TMPRSS15: variants seen among roughly 807,000 people sequenced by gnomAD.
TMPRSS15 encodes the protein transmembrane serine protease 15.
Under a neutral mutation model 125.3 loss-of-function variants are expected in TMPRSS15, and 128 were observed. That is an observed-to-expected ratio of 1.02 (90% CI 0.89 to 1.18). The LOEUF (loss-of-function observed/expected upper bound fraction) is 1.18. Among genes scored for constraint, TMPRSS15 ranks in the 50% most tolerant of loss-of-function variants. The pLI is 0.00. For missense variants in TMPRSS15, 1,283 were observed against 1,212.7 expected (o/e 1.06, Z -0.86); for synonymous variants, 446 against 423.2 (o/e 1.05, Z -0.66).
chr21:18,377,765 AG>A (rs2075857950), intron 5 of TMPRSS15, among the ~76,000 whole-genome samples: 2 of 152,136 alleles, frequency 1.3e-5, no homozygotes, highest in Admixed American at 1.3e-4. Flanking sequence ...GTTTACGTGT[AG>A]AAGAGAAGAT....
chr21:18,436,047 G>A (rs933479171), intron 1 of TMPRSS15, among the ~76,000 whole-genome samples: 148 of 149,808 alleles, frequency 9.9e-4, no homozygotes, highest in African/African-American at 3.2e-3. Context: ...TCTTGCTAGC[G>A]GTCTATCAAT....
chr21:18,327,733 T>TG lies in TMPRSS15; in HGVS notation c.1781-1162_1781-1161insC, dbSNP rs72550496. On this transcript the variant is annotated intron_variant, in intron 15 of 24. Coordinates refer to ENST00000284885, the MANE Select transcript of TMPRSS15 (RefSeq NM_002772.3). ...AGCACAGTTAGATAAAACACTTTTT[T>TG]TGTGTGTGGGAGGGCGATAAAACAC... Among the ~76,000 whole-genome samples, 948 of 151,964 alleles carry TG rather than the reference T, an allele frequency of 6.2e-3. 7 individuals are homozygous for TG. The highest frequency in any genetic ancestry group is 9.9e-3 in the Non-Finnish European group (675 of 67,952).
Position 18,272,448 on chromosome 21 carries a change from G to A in TMPRSS15, c.2905-2324C>T, listed in dbSNP as rs547683046. Among the ~76,000 whole-genome samples the A allele has an allele frequency of 1.1e-3, 165 of 152,236 alleles. 1 individual carries two copies. Among genetic ancestry groups the A allele is most frequent in the African/African-American group, 3.6e-3 (149 of 41,524 alleles). ...ACTTCAAAAATATGCATGGGACCCG[G>A]TGCGGTGGCTCACACCTGTGATCAC... On this transcript the variant is annotated intron_variant, in intron 24 of 24. Coordinates refer to ENST00000284885, the MANE Select transcript of TMPRSS15 (RefSeq NM_002772.3).
chr21:18,364,786 T>C (rs911675086), intron 7 of TMPRSS15, among the ~76,000 whole-genome samples: 2 of 152,088 alleles, frequency 1.3e-5, no homozygotes, highest in African/African-American at 4.8e-5. Context: ...AGAAAGAAAA[T>C]ATTTTATAGA....
chr21:18,461,819 A>C lies in TMPRSS15; in HGVS notation c.10+23980T>G, dbSNP rs2122952805. Among the ~76,000 whole-genome samples, 5 of 152,204 alleles carry C rather than the reference A, an allele frequency of 3.3e-5. No homozygotes were observed. The South Asian group carries it at 1.0e-3, about 32-fold the overall frequency. ...TTTAAAAGTTATCAACGATCTTTGG[A>C]TACTATAGTTGCCCTGAGTTCAACT... On this transcript the variant is annotated intron_variant, in intron 1 of 7. Transcript: ENST00000422787.
intron 18 of TMPRSS15, among the ~76,000 whole-genome samples, chr21:18,303,880 AAAG>A (rs1445049140): frequency 6.6e-6 from 1 of 152,222 alleles, no homozygotes; most frequent in African/African-American, 2.4e-5. Context: ...AATGAAAGAC[AAAG>A]AAGATTCTCC....
upstream of TMPRSS15, among the ~76,000 whole-genome samples, chr21:18,405,376 G>T (rs1180878853): frequency 6.6e-6 from 1 of 152,042 alleles, no homozygotes; most frequent in Non-Finnish European, 1.5e-5. Flanking sequence ...TTTAAAGAAG[G>T]CAATAATTTA....
chr21:18,281,251 A>C (rs550288760), intron 21 of TMPRSS15, 30 bp from the exon 22 acceptor site: 1 of 1,591,348 alleles, frequency 6.3e-7, no homozygotes, highest in East Asian at 2.2e-5. Flanking sequence ...AATATGAGAC[A>C]CTCTCCATCC....
chr21:18,452,449 A>C (rs1208801654), intron 1 of TMPRSS15, among the ~76,000 whole-genome samples: 1 of 152,134 alleles, frequency 6.6e-6, no homozygotes, highest in African/African-American at 2.4e-5. Flanking sequence ...TGACATATTC[A>C]GCCCAACAGC....
intron 1 of TMPRSS15, among the ~76,000 whole-genome samples, chr21:18,479,050 T>C (rs1189607506): frequency 6.6e-6 from 1 of 151,918 alleles, no homozygotes; most frequent in Non-Finnish European, 1.5e-5. Context: ...CATCTGAAAA[T>C]CTGAAATTGG....
upstream of TMPRSS15, among the ~76,000 whole-genome samples, chr21:18,407,466 T>C (rs1297839799): frequency 6.8e-6 from 1 of 146,408 alleles, no homozygotes; most frequent in East Asian, 2.0e-4. Context: ...TTTTTTTTTT[T>C]GAGACAGTCT....
chr21:18,285,653 GT>G (rs1369699748), intron 21 of TMPRSS15, among the ~76,000 whole-genome samples: 1 of 152,214 alleles, frequency 6.6e-6, no homozygotes, highest in Admixed American at 6.5e-5. Flanking sequence ...GAGTACGAAA[GT>G]TTTCAAGAAT....
At chr21:18,408,458 CAG>C (rs2076157975), upstream of TMPRSS15, among the ~76,000 whole-genome samples, 1 of 152,096 alleles carries the variant, frequency 6.6e-6, no homozygotes, top group Non-Finnish European at 1.5e-5. Context: ...CTGGACATTT[CAG>C]AGACTTCTTT....
At chr21:18,368,382 T>A (rs2075759586) in intron 6 of TMPRSS15, among the ~76,000 whole-genome samples, 1 of 152,218 alleles carries the variant, frequency 6.6e-6, no homozygotes, top group African/African-American at 2.4e-5. Flanking sequence ...TGGAGTCAGA[T>A]AAGGTCATGT....
chr21:18,337,888 A>G (rs2075407852), intron 13 of TMPRSS15, among the ~76,000 whole-genome samples: 1 of 152,188 alleles, frequency 6.6e-6, no homozygotes, highest in African/African-American at 2.4e-5. Flanking sequence ...TTCAGAATAC[A>G]TTTGATGGTA....
chr21:18,347,769 T>C (rs962402058), intron 10 of TMPRSS15, among the ~76,000 whole-genome samples: 3 of 152,148 alleles, frequency 2.0e-5, no homozygotes, highest in African/African-American at 7.2e-5. Context: ...AAATAATTTC[T>C]TCTAAAACCC....
intron 16 of TMPRSS15, among the ~76,000 whole-genome samples, chr21:18,318,292 T>C (rs746493667): frequency 1.8e-4 from 28 of 152,208 alleles, no homozygotes; most frequent in Non-Finnish European, 3.8e-4. Context: ...GTATTGTCTA[T>C]AGTGCAATAT....
intron 1 of TMPRSS15, among the ~76,000 whole-genome samples, chr21:18,451,371 A>G (rs761951956): frequency 1.3e-5 from 2 of 152,168 alleles, no homozygotes; most frequent in African/African-American, 2.4e-5. Context: ...AATTGATCAT[A>G]GATTTGTCTG....
At chr21:18,389,956 T>C (rs2075977192) in intron 3 of TMPRSS15, among the ~76,000 whole-genome samples, 1 of 152,220 alleles carries the variant, frequency 6.6e-6, no homozygotes, top group African/African-American at 2.4e-5. Flanking sequence ...CCTATGACTT[T>C]AATTTGGCAC....
Sources: allele counts gnomAD v4.1 joint callset (sites outside exome capture counted in the v4.1 genomes callset), GRCh38; gene constraint gnomAD v4.1.1; transcripts MANE v1.5; gene names NCBI Gene and HGNC (gene_info 2026-07-23, HGNC 2026-07-21).